Variants in SEPTIN4 observed in about 807,000 individuals in gnomAD.
SEPTIN4 encodes the protein septin-4.
Under a neutral mutation model 107.1 loss-of-function variants are expected in SEPTIN4, and 52 were observed. That is an observed-to-expected ratio of 0.49 (90% CI 0.39 to 0.61). The LOEUF is 0.61. SEPTIN4 is among the 20% of genes least tolerant of loss of function. The pLI is 0.00. For missense variants in SEPTIN4, 1,048 were observed against 1,243.5 expected (o/e 0.84, Z 2.36); for synonymous variants, 417 against 467.0 (o/e 0.89, Z 1.38).
intron 7 of SEPTIN4, among the ~76,000 whole-genome samples, chr17:58,523,181 G>A (rs546276743): frequency 1.3e-5 from 2 of 152,146 alleles, no homozygotes; most frequent in East Asian, 1.9e-4. Context: ...AGACCAGACT[G>A]GGCAACATAG....
chr17:58,528,804 T>C (rs547274358), intron 3 of SEPTIN4, among the ~76,000 whole-genome samples: 14 of 152,222 alleles, frequency 9.2e-5, no homozygotes, highest in Non-Finnish European at 2.1e-4. Flanking sequence ...CCAGGAGCAC[T>C]GAGTGGAGGG....
In SEPTIN4 at chr17:58,543,569, G is replaced by A. The variant is rs754628393; in HGVS notation, c.618C>T (p.Pro206=). The part of the protein sequence containing the change: ...YPKDEAVQTE[P]IQRITTTSEI... ...CACTAGTAGTCGTAATTCTTTGGAT[G>A]GGCTCAGTTTGTACTGCTTCATCCT... is the stretch of plus-strand genomic sequence containing the variant. Residue 206 remains proline, a synonymous_variant, in exon 1 of 14, where the codon CCC becomes CCT. Transcript: ENST00000672673. The A allele has an allele frequency of 1.2e-6, 2 of 1,614,172 alleles. No homozygotes were observed. The highest frequency in any genetic ancestry group is 1.7e-6 in the Non-Finnish European group (2 of 1,180,036).
At chr17:58,526,573 A>ACACACACACACACACACACACAC (rs2042911040) in intron 4 of SEPTIN4, 109 bp downstream of exon 4, 1 of 1,094,966 alleles carries the variant, frequency 9.1e-7, no homozygotes, top group African/African-American at 1.9e-5. Context: ...CACACACACA[A>ACACACACACACACACACACACAC]ACACACACAC....
chr17:58,543,419 A>G lies in SEPTIN4; in HGVS notation c.768T>C (p.Ile256=). 1.2e-6 allele frequency: 2 copies of G among 1,614,162 alleles called. No individual in the cohort carries two copies. The highest frequency in any genetic ancestry group is 1.7e-6 in the Non-Finnish European group (2 of 1,180,024). The part of the protein sequence containing the change: ...EESETGPYGP[I]PSKPKALYRN... ...TATACAAGGCCTTGGGTTTTGAAGG[A>G]ATTGGACCGTAAGGACCTGTTTCTG... Residue 256 remains isoleucine, a synonymous_variant, in exon 1 of 14, where the codon ATT becomes ATC. Transcript: ENST00000672673.
At chr17:58,525,931 G>A (rs2042808315) in intron 5 of SEPTIN4, 150 bp from the exon 6 acceptor site, 1 of 853,806 alleles carries the variant, frequency 1.2e-6, no homozygotes, top group Non-Finnish European at 1.8e-6. Flanking sequence ...CTGGGAGGAA[G>A]CACAGAGATT....
chr17:58,542,640 G>A lies in SEPTIN4; in HGVS notation c.1547C>T (p.Thr516Ile). ...TCTTCACATACCCAGGAAGAAAGCA[G>A]TAAACCTTTGAATGGGTTGTTTGCA... ...HTCKQPIQRFTAFFLDVSEEM... is the reference protein window; with the variant it reads ...HTCKQPIQRFIAFFLDVSEEM... Residue 516 changes from threonine to isoleucine, a missense_variant, in exon 1 of 14, where the codon ACT becomes ATT. Transcript: ENST00000672673. 2 of 1,612,056 alleles carry A rather than the reference G, an allele frequency of 1.2e-6. No individual in the cohort carries two copies. Among genetic ancestry groups the A allele is most frequent in the East Asian group, 2.2e-5 (1 of 44,886 alleles).
chr17:58,527,432 G>A (rs552656232), intron 3 of SEPTIN4: 72 of 298,528 alleles, frequency 2.4e-4, no homozygotes, highest in Admixed American at 1.3e-3. Flanking sequence ...AATGGGGCAG[G>A]GACATGAGGG....
intron 2 of SEPTIN4, chr17:58,540,874 G>A (rs2043860777): frequency 4.8e-6 from 2 of 415,716 alleles, no homozygotes; most frequent in Admixed American, 4.4e-5. Context: ...CAAGCACCGT[G>A]CTAAGTGTTT....
At chr17:58,524,083 ACT>A (rs1211443542) in intron 7 of SEPTIN4, among the ~76,000 whole-genome samples, 1 of 151,958 alleles carries the variant, frequency 6.6e-6, no homozygotes, top group Non-Finnish European at 1.5e-5. Flanking sequence ...CAAGATTTGA[ACT>A]CTCTGTCTAG....
In SEPTIN4 at chr17:58,541,670, T is replaced by G. The variant is rs2043878512; in HGVS notation, c.1606+252A>C. 6.3e-6 allele frequency: 7 copies of G among 1,118,466 alleles called. No individual in the cohort carries two copies. In the East Asian group the frequency reaches 1.7e-4, roughly 27 times the overall value. 69.3% of individuals were successfully genotyped at this position (1,118,466 alleles called of 1,614,324 possible). On this transcript the variant is annotated intron_variant, in intron 2 of 13. Coordinates refer to ENST00000672673, the MANE Select transcript of SEPTIN4 (RefSeq NM_001368771.2). ...GCTGAAAAGGCCATGAGGCTTAAATTATTCTCCATTCCAGAAGTAACTTCC... is the reference window on the plus strand; with the variant it reads ...GCTGAAAAGGCCATGAGGCTTAAATGATTCTCCATTCCAGAAGTAACTTCC...
At position 58,520,322 on chromosome 17, in the gene SEPTIN4, G is replaced by A. The variant is rs535334207; in HGVS notation, c.*104C>T. 3.0e-5 allele frequency: 31 copies of A among 1,021,944 alleles called. No individual in the cohort carries two copies. The highest frequency in any genetic ancestry group is 1.7e-4 in the South Asian group (12 of 71,480). The allele number at this position is 1,021,944 out of a possible 1,614,324, so 63.3% of individuals were successfully genotyped here. A position where few individuals can be genotyped will look rare whatever the true frequency, so the allele number is the denominator to read the frequency against. Reference sequence around the variant, plus strand: ...TGGGCAGTCAGCAGGGATGTAAGGCGAAGTGGCAGTAGCTGAAGGGGCCTG... The same window carrying A: ...TGGGCAGTCAGCAGGGATGTAAGGCAAAGTGGCAGTAGCTGAAGGGGCCTG... On this transcript the variant is annotated 3_prime_UTR_variant, in exon 14 of 14. Coordinates refer to ENST00000672673, the MANE Select transcript of SEPTIN4 (RefSeq NM_001368771.2).
At position 58,525,114 on chromosome 17, in the gene SEPTIN4, G is replaced by A; in HGVS notation, c.2180C>T (p.Thr727Ile). 1 of 1,614,214 alleles carries A rather than the reference G, an allele frequency of 6.2e-7. No homozygotes were observed. The highest frequency in any genetic ancestry group is 1.1e-5 in the South Asian group (1 of 91,084). Reference sequence around the variant, plus strand: ...GTTGACTGCATCCCCAAAACCTGGTGTGTCCACAATGGTGAGCCGCAGCCT... The same window carrying A: ...GTTGACTGCATCCCCAAAACCTGGTATGTCCACAATGGTGAGCCGCAGCCT... ...GVRLRLTIVDTPGFGDAVNNT... is the reference protein window; with the variant it reads ...GVRLRLTIVDIPGFGDAVNNT... Residue 727 changes from threonine to isoleucine, a missense_variant, in exon 7 of 14, where the codon ACA (threonine) becomes ATA (isoleucine). Transcript: ENST00000672673.
In SEPTIN4 at chr17:58,542,664, C is replaced by A. The variant is rs757039448; in HGVS notation, c.1523G>T (p.Cys508Phe). Residue 508 changes from cysteine to phenylalanine, a missense_variant, in exon 1 of 14, where the codon TGC becomes TTC. This residue lies in a region of SEPTIN4 where 787 missense variants were observed against 871.8 expected (regional missense o/e 0.90). Transcript: ENST00000672673. ...AGTAAACCTTTGAATGGGTTGTTTG[C>A]AGGTGTGCTTGGGGGTCTGTGGCAC... ...SEVPQTPKHT[C>F]KQPIQRFTAF... The A allele has an allele frequency of 6.2e-7, 1 of 1,613,802 alleles. No individual in the cohort carries two copies. Among genetic ancestry groups the A allele is most frequent in the African/African-American group, 1.3e-5 (1 of 75,006 alleles).
chr17:58,528,793 C>T (rs138594923), intron 3 of SEPTIN4, among the ~76,000 whole-genome samples: 1 of 152,124 alleles, frequency 6.6e-6, no homozygotes, highest in Non-Finnish European at 1.5e-5. Flanking sequence ...CACCTGGTTT[C>T]CCAGGAGCAC....
rs1217114486 is a variant in SEPTIN4, at chr17:58,538,237, C to T, written c.1614+2429G>A. 6.6e-6 allele frequency among the ~76,000 whole-genome samples: 1 copy of T among 152,184 alleles called. No individual in the cohort carries two copies. Among genetic ancestry groups the T allele is most frequent in the Non-Finnish European group, 1.5e-5 (1 of 68,036 alleles). On this transcript the variant is annotated intron_variant, in intron 3 of 13. Transcript: ENST00000672673. The surrounding 1 kb of genome is among the most constrained non-coding windows in gnomAD (Gnocchi z 4.7). ...ACCTGAGCAAAATGTCCCTGTGATT[C>T]AAAAGCCAACAGGAGGCTGATCATC...
chr17:58,534,934 G>C (rs1038721155), intron 3 of SEPTIN4, among the ~76,000 whole-genome samples: 3 of 152,228 alleles, frequency 2.0e-5, no homozygotes, highest in Non-Finnish European at 4.4e-5. Context: ...AGGAAATCAG[G>C]ATTTCAGATC....
At chr17:58,525,241 A>G in intron 6 of SEPTIN4, 40 bp from the exon 7 acceptor site, 1 of 1,608,756 alleles carries the variant, frequency 6.2e-7, no homozygotes. Flanking sequence ...AAGGGCAGGG[A>G]CCTGCCCAGT....
chr17:58,521,536 T>TGG lies in SEPTIN4; in HGVS notation c.2571+7_2571+8dup. On this transcript the variant is annotated intron_variant, in intron 10 of 13. Coordinates refer to ENST00000672673, the MANE Select transcript of SEPTIN4 (RefSeq NM_001368771.2). The surrounding 1 kb of genome is among the most constrained non-coding windows in gnomAD (Gnocchi z 6.4). ...AAGATAGGAATGGGATGCCCTAGAG[T>TGG]GGCCCCACCTTTAGGGCTTGGTCCT... 1 of 1,612,892 alleles carries TGG rather than the reference T, an allele frequency of 6.2e-7. No individual in the cohort carries two copies. Among genetic ancestry groups the TGG allele is most frequent in the Non-Finnish European group, 8.5e-7 (1 of 1,178,884 alleles).
At chr17:58,529,318 C>A (rs1326664006) in intron 3 of SEPTIN4, 1 of 1,526,230 alleles carries the variant, frequency 6.6e-7, no homozygotes, top group Admixed American at 2.0e-5. Context: ...CTCTTTGACC[C>A]CCTTCTGTCT....
Sources: allele counts gnomAD v4.1 joint callset (sites outside exome capture counted in the v4.1 genomes callset), GRCh38; gene constraint gnomAD v4.1.1; regional missense constraint gnomAD v4.1.1; non-coding constraint Gnocchi (gnomAD v3.1); transcripts MANE v1.5; gene names NCBI Gene and HGNC (gene_info 2026-07-23, HGNC 2026-07-21).